The following ACO1 variants were observed in gnomAD, a reference collection of about 807,000 sequenced individuals.
ACO1 encodes the protein aconitase 1.
ACO1 carries 78 observed loss-of-function variants against 105.1 expected under a neutral mutation model. That is an observed-to-expected ratio of 0.74 (90% CI 0.62 to 0.90). The LOEUF (loss-of-function observed/expected upper bound fraction) is 0.90, where lower values mean the gene tolerates loss of function less well. Ranked by LOEUF, ACO1 falls within the 40% of genes least tolerant of loss-of-function variation. The probability of loss-of-function intolerance (pLI) is 0.00; values close to 1 mark genes in which losing one functional copy is unlikely to be tolerated. For missense variants in ACO1, 965 were observed against 1,111.1 expected, an observed-to-expected ratio of 0.87 and a Z score of 1.87; for synonymous variants, 364 against 397.4, an observed-to-expected ratio of 0.92 and a Z score of 1.00.
intron 1 of ACO1, among the ~76,000 whole-genome samples, chr9:32,401,862 T>G (rs1473903947): frequency 6.6e-6 from 1 of 152,236 alleles, no homozygotes; most frequent in Non-Finnish European, 1.5e-5. Context: ...CGTTCTTGCA[T>G]GCAGAGTGTA....
chr9:32,439,247 T>C lies in ACO1; in HGVS notation c.2248-1218T>C, dbSNP rs1227090109. Reference sequence around the variant, plus strand: ...AGATAAGTTGTTTCTTTCTGGTCTTTGAAAGGATCCAGACAATTCAGTTAG... The same window carrying C: ...AGATAAGTTGTTTCTTTCTGGTCTTCGAAAGGATCCAGACAATTCAGTTAG... On this transcript the variant is annotated intron_variant, in intron 18 of 20. Coordinates refer to ENST00000309951, the MANE Select transcript of ACO1 (RefSeq NM_002197.3). The surrounding 1 kb of genome is among the most constrained non-coding windows in gnomAD (Gnocchi z 4.0). 4.6e-5 allele frequency among the ~76,000 whole-genome samples: 7 copies of C among 152,238 alleles called. No individual in the cohort carries two copies. The highest frequency in any genetic ancestry group is 1.0e-4 in the Non-Finnish European group (7 of 68,040).
At chr9:32,433,886 A>T in intron 16 of ACO1, 54 bp downstream of exon 16, 1 of 1,377,100 alleles carries the variant, frequency 7.3e-7, no homozygotes, top group Non-Finnish European at 1.0e-6. Context: ...TTCTTTCCTA[A>T]TAATATCTAC....
intron 8 of ACO1, among the ~76,000 whole-genome samples, chr9:32,423,047 G>A (rs1004756674): frequency 3.9e-5 from 6 of 152,112 alleles, no homozygotes; most frequent in East Asian, 1.9e-4. Context: ...CAAAAGAGGC[G>A]GGTTATCTAT....
At chr9:32,435,364 T>C (rs1397873810) in intron 17 of ACO1, among the ~76,000 whole-genome samples, 2 of 152,188 alleles carry the variant, frequency 1.3e-5, no homozygotes, top group Admixed American at 1.3e-4. Context: ...TTTTGAGGCA[T>C]GAACACGTCA....
chr9:32,426,142 A>G, intron 11 of ACO1, 145 bp downstream of exon 11: 1 of 781,974 alleles, frequency 1.3e-6, no homozygotes, highest in Non-Finnish European at 2.0e-6. Context: ...TGGCCCATAA[A>G]TATCTACACA....
intron 19 of ACO1, among the ~76,000 whole-genome samples, chr9:32,445,064 G>A (rs1306836537): frequency 6.6e-6 from 1 of 152,084 alleles, no homozygotes; most frequent in Non-Finnish European, 1.5e-5. Flanking sequence ...AGGGATATTG[G>A]CCTCAAATTT....
rs145834933 is a variant in ACO1 at position 32,451,788 on chromosome 9, C to T, written c.*1677C>T. The T allele has an allele frequency of 1.3e-5, 2 of 152,140 alleles. No homozygotes were observed. The highest frequency in any genetic ancestry group is 1.9e-4 in the East Asian group (1 of 5,196). 9.4% of individuals were successfully genotyped at this position (152,140 alleles called of 1,614,324 possible). ...AATAAATTACAAACAAACAGCCAGG[C>T]GCAGTGGCTCATGCCTATAATTCCA... On this transcript the variant is annotated 3_prime_UTR_variant, in exon 21 of 21. Coordinates refer to ENST00000309951, the MANE Select transcript of ACO1 (RefSeq NM_002197.3).
chr9:32,395,770 G>T (rs527377820), intron 1 of ACO1, among the ~76,000 whole-genome samples: 2 of 152,318 alleles, frequency 1.3e-5, no homozygotes, highest in South Asian at 2.1e-4. Flanking sequence ...ATTTATAAAT[G>T]TCGAAGTTCA....
chr9:32,434,829 T>C, intron 17 of ACO1, 128 bp downstream of exon 17: 2 of 1,138,036 alleles, frequency 1.8e-6, no homozygotes, highest in South Asian at 1.6e-5. Flanking sequence ...GGCTTAACCC[T>C]GGGGTAAAAA....
Position 32,426,047 on chromosome 9 carries a change from A to C in ACO1, c.1348+50A>C, listed in dbSNP as rs1051149996. 3.2e-6 allele frequency: 5 copies of C among 1,585,872 alleles called. No homozygotes were observed. The African/African-American group carries it at 5.4e-5, about 17-fold the overall frequency. ...ATGGTCATACATGTGTGTAGGTGGA[A>C]ATAGCCCGAGACAGGGCCCAGGGCC... On this transcript the variant is annotated intron_variant, in intron 11 of 20. Transcript: ENST00000309951.
chr9:32,420,740 G>A lies in ACO1; in HGVS notation c.799-116G>A, dbSNP rs1021733258. The A allele has an allele frequency of 5.1e-5, 54 of 1,057,760 alleles. No homozygotes were observed. The East Asian group carries it at 8.0e-4, about 16-fold the overall frequency. The allele number at this position is 1,057,760 out of a possible 1,614,324, so 65.5% of individuals were successfully genotyped here. On this transcript the variant is annotated intron_variant, in intron 7 of 20. Coordinates refer to ENST00000309951, the MANE Select transcript of ACO1 (RefSeq NM_002197.3). Reference sequence around the variant, plus strand: ...AAAGTGATCACAAATGTGTTGGGCTGATTTACTATTTGGGTTTACTGACAA... The same window carrying A: ...AAAGTGATCACAAATGTGTTGGGCTAATTTACTATTTGGGTTTACTGACAA...
In ACO1 at chr9:32,449,010, C is replaced by T. The variant is rs144050479; in HGVS notation, c.2485C>T (p.Leu829Phe). 7 of 1,614,068 alleles carry T rather than the reference C, an allele frequency of 4.3e-6. No individual in the cohort carries two copies. The East Asian group carries it at 1.1e-4, about 26-fold the overall frequency. Residue 829 changes from leucine to phenylalanine, a missense_variant, in exon 20 of 21, where the codon CTC becomes TTC. Coordinates refer to ENST00000309951, the MANE Select transcript of ACO1 (RefSeq NM_002197.3). ...TGGTGAGAATGCAGATGCCCTGGGGCTCACAGGGCAAGAACGATACACTAT... is the reference window on the plus strand; with the variant it reads ...TGGTGAGAATGCAGATGCCCTGGGGTTCACAGGGCAAGAACGATACACTAT... The part of the protein sequence containing the change: ...LPGENADALG[L>F]TGQERYTIII...
At chr9:32,430,696 A>C in intron 14 of ACO1, 122 bp downstream of exon 14, 1 of 1,124,406 alleles carries the variant, frequency 8.9e-7, no homozygotes, top group Non-Finnish European at 1.2e-6. Context: ...CAAAGAAGAG[A>C]ATAATTTCTT....
chr9:32,408,913 AAC>A (rs973036979), intron 4 of ACO1, among the ~76,000 whole-genome samples: 45 of 152,322 alleles, frequency 3.0e-4, no homozygotes, highest in African/African-American at 1.1e-3. Flanking sequence ...TCTAGGTGAA[AAC>A]ACACACACAT....
intron 19 of ACO1, among the ~76,000 whole-genome samples, chr9:32,448,482 A>C (rs1822672952): frequency 6.6e-6 from 1 of 152,232 alleles, no homozygotes. Context: ...GGACCCACCA[A>C]GCCAGGCACT....
chr9:32,408,755 A>C, intron 4 of ACO1, 104 bp downstream of exon 4: 4 of 1,344,880 alleles, frequency 3.0e-6, no homozygotes, highest in Non-Finnish European at 4.0e-6. Flanking sequence ...AAATCTTTCA[A>C]AGATATCTTC....
At chr9:32,444,056 T>TG (rs35639058) in intron 19 of ACO1, among the ~76,000 whole-genome samples, 53,262 of 151,886 alleles carry the variant, frequency 0.35, 9,400 homozygotes, top group East Asian at 0.52. Context: ...CACTTATGGG[T>TG]GAGAACATGC....
chr9:32,448,759 T>A, intron 19 of ACO1, 137 bp from the exon 20 acceptor site: 1 of 849,000 alleles, frequency 1.2e-6, no homozygotes, highest in Admixed American at 1.9e-5. Flanking sequence ...GCCTTCTGTG[T>A]CAGTCTCACT....
chr9:32,433,279 G>A (rs1352854907), intron 15 of ACO1, among the ~76,000 whole-genome samples: 1 of 152,132 alleles, frequency 6.6e-6, no homozygotes, highest in Non-Finnish European at 1.5e-5. Context: ...TGTCACCCAG[G>A]CTGGAGTGCA....
Sources: allele counts gnomAD v4.1 joint callset (sites outside exome capture counted in the v4.1 genomes callset), GRCh38; gene constraint gnomAD v4.1.1; non-coding constraint Gnocchi (gnomAD v3.1); transcripts MANE v1.5; gene names NCBI Gene and HGNC (gene_info 2026-07-23, HGNC 2026-07-21).